Variants in ALPK2 observed in about 807,000 individuals in gnomAD.
ALPK2 encodes alpha-protein kinase 2.
A neutral mutation model predicts 163.1 loss-of-function variants in ALPK2; 127 were observed. That is an observed-to-expected ratio of 0.78 (90% CI 0.67 to 0.90). ALPK2 has a LOEUF of 0.90. Ranked by LOEUF, ALPK2 falls within the 40% of genes least tolerant of loss-of-function variation. The pLI is 0.00. For missense variants in ALPK2, 2,360 were observed against 2,589.6 expected, an observed-to-expected ratio of 0.91 and a Z score of 1.92; for synonymous variants, 953 against 959.1, an observed-to-expected ratio of 0.99 and a Z score of 0.12.
chr18:58,558,181 C>T (rs558817768), intron 4 of ALPK2, among the ~76,000 whole-genome samples: 5 of 152,092 alleles, frequency 3.3e-5, no homozygotes, highest in African/African-American at 1.2e-4. Flanking sequence ...GTGAATCTAC[C>T]CTTCCAAATT....
intron 2 of ALPK2, among the ~76,000 whole-genome samples, chr18:58,607,679 A>C (rs1240241739): frequency 6.6e-6 from 1 of 152,144 alleles, no homozygotes; most frequent in African/African-American, 2.4e-5. Flanking sequence ...TGGCATACAA[A>C]ATGAAAAATG....
chr18:58,557,702 T>A (rs60355093), intron 4 of ALPK2, among the ~76,000 whole-genome samples: 24,575 of 79,064 alleles, frequency 0.31, 2,352 homozygotes, highest in African/African-American at 0.43. Flanking sequence ...ATATATATAT[T>A]TATATTTTGT....
chr18:58,582,520 G>T (rs2051963733), intron 3 of ALPK2, among the ~76,000 whole-genome samples: 1 of 144,968 alleles, frequency 6.9e-6, no homozygotes, highest in Non-Finnish European at 1.5e-5. Flanking sequence ...CTCAGATGAA[G>T]AAAAATGTCT....
chr18:58,500,990 G>C (rs1367768176), intron 11 of ALPK2, among the ~76,000 whole-genome samples: 1 of 152,164 alleles, frequency 6.6e-6, no homozygotes, highest in Non-Finnish European at 1.5e-5. Context: ...GTCCAAAAGG[G>C]TGGTGATAGA....
chr18:58,535,671 T>C lies in ALPK2; in HGVS notation c.4516A>G (p.Ser1506Gly), dbSNP rs777343538. 7 of 1,614,252 alleles carry C rather than the reference T, an allele frequency of 4.3e-6. No individual in the cohort carries two copies. Among genetic ancestry groups the C allele is most frequent in the South Asian group, 1.1e-5 (1 of 91,084 alleles). Residue 1506 changes from serine (S) to glycine (G), a missense_variant, in exon 5 of 13, where the codon AGT becomes GGT. Coordinates refer to ENST00000361673, the MANE Select transcript of ALPK2 (RefSeq NM_052947.4). The stretch of plus-strand genomic sequence containing the variant: ...TGTATTTGGCCTATGCTACATCCAC[T>C]TGGAATTCTTTCACCGCCTTCGCTG... ...QPSEGGERIP[S>G]GCSIGQIQES...
At chr18:58,521,892 G>C (rs1412554197) in intron 8 of ALPK2, among the ~76,000 whole-genome samples, 1 of 151,952 alleles carries the variant, frequency 6.6e-6, no homozygotes. Context: ...CTTCCAAAGT[G>C]CTGGGATTAC....
At chr18:58,512,191 A>T (rs2051493604) in intron 10 of ALPK2, 1 of 152,190 alleles carries the variant, frequency 6.6e-6, no homozygotes, top group Admixed American at 6.6e-5. Context: ...CAACAAAAGG[A>T]TTCACGGTTT....
chr18:58,621,572 A>G (rs771306527), intron 1 of ALPK2, among the ~76,000 whole-genome samples: 2 of 151,914 alleles, frequency 1.3e-5, no homozygotes, highest in Non-Finnish European at 2.9e-5. Context: ...CACCAGGCCA[A>G]TGTGATCACT....
chr18:58,516,666 C>T (rs866586155), intron 9 of ALPK2, among the ~76,000 whole-genome samples: 16 of 152,306 alleles, frequency 1.1e-4, no homozygotes, highest in African/African-American at 3.4e-4. Flanking sequence ...AATTATATCT[C>T]GGGTTAGAAC....
rs1378108056 is a variant in ALPK2 at position 58,611,878 on chromosome 18, G to A, written c.-20-61C>T. 3.7e-5 allele frequency: 41 copies of A among 1,122,102 alleles called. No individual in the cohort carries two copies. In the Middle Eastern group the frequency reaches 8.9e-4, roughly 24 times the overall value. The allele number at this position is 1,122,102 out of a possible 1,614,324, so 69.5% of individuals were successfully genotyped here. Reference sequence around the variant, plus strand: ...TTCTGGGATTTCTCTGGCCTTCTTAGGAATTCCAGAAACCACAGGGTGCCG... The same window carrying A: ...TTCTGGGATTTCTCTGGCCTTCTTAAGAATTCCAGAAACCACAGGGTGCCG... On this transcript the variant is annotated intron_variant, in intron 1 of 12. Coordinates refer to ENST00000361673, the MANE Select transcript of ALPK2 (RefSeq NM_052947.4).
rs77059313 is a variant in ALPK2 at position 58,571,427 on chromosome 18, G to GAAA, written c.1962+7384_1962+7386dup. On this transcript the variant is annotated intron_variant, in intron 4 of 12. Coordinates refer to ENST00000361673, the MANE Select transcript of ALPK2 (RefSeq NM_052947.4). ...TGCTAGAAAAATTGAACATCCACAG[G>GAAA]AAAAAAAAAAAAAAAAAGAACCTTA... Among the ~76,000 whole-genome samples the GAAA allele has an allele frequency of 3.1e-3, 340 of 108,716 alleles. 3 individuals carry two copies. The highest frequency in any genetic ancestry group is 4.6e-3 in the Non-Finnish European group (240 of 51,654). The allele number at this position is 108,716 out of a possible 152,430, so 71.3% of individuals were successfully genotyped here.
At chr18:58,515,380 G>A (rs1354860821) in intron 9 of ALPK2, among the ~76,000 whole-genome samples, 3 of 152,356 alleles carry the variant, frequency 2.0e-5, no homozygotes, top group African/African-American at 7.2e-5. Flanking sequence ...GAACTAAGGG[G>A]ACTGGCCCCT....
intron 3 of ALPK2, among the ~76,000 whole-genome samples, chr18:58,598,048 T>C (rs1049802501): frequency 2.0e-5 from 3 of 152,224 alleles, no homozygotes; most frequent in Non-Finnish European, 2.9e-5. Context: ...CTTCTGTTGT[T>C]TAGGCCACCC....
intron 4 of ALPK2, among the ~76,000 whole-genome samples, chr18:58,571,386 T>A (rs2051884942): frequency 6.7e-6 from 1 of 148,914 alleles, no homozygotes; most frequent in African/African-American, 2.5e-5. Context: ...AGTTACAAAG[T>A]CTTATCAATA....
chr18:58,507,391 T>G (rs1209199072), intron 10 of ALPK2, among the ~76,000 whole-genome samples: 1 of 152,180 alleles, frequency 6.6e-6, no homozygotes, highest in Non-Finnish European at 1.5e-5. Flanking sequence ...TCAGGATCTT[T>G]AAAGGTAATT....
Position 58,579,179 on chromosome 18 carries a change from T to C in ALPK2, c.1597A>G (p.Lys533Glu). 1 of 1,614,124 alleles carries C rather than the reference T, an allele frequency of 6.2e-7. No homozygotes were observed. Residue 533 changes from lysine to glutamate, a missense_variant, in exon 4 of 13, where the codon AAA (lysine) becomes GAA (glutamate). Lys to Glu is a moderately conservative substitution (Grantham distance 56). Transcript: ENST00000361673. ...KDLWSKRGSR[K>E]SARVRQPGMK... ...CCCGGCTGCCTCACCCTGGCAGATT[T>C]CCTTGAACCCCTCTTGCTCCATAAG...
In ALPK2 at chr18:58,559,562, T is replaced by C. The variant is rs1402968734; in HGVS notation, c.1962+19252A>G. ...AGGAACTCCTAGTGATTCTGTGGAC[T>C]TGGAAACTTCCTAAGAAGAATCCTG... On this transcript the variant is annotated intron_variant, in intron 4 of 12. Coordinates refer to ENST00000361673, the MANE Select transcript of ALPK2 (RefSeq NM_052947.4). 2.6e-5 allele frequency among the ~76,000 whole-genome samples: 4 copies of C among 152,178 alleles called. No homozygotes were observed. In the East Asian group the frequency reaches 5.8e-4, roughly 22 times the overall value.
At chr18:58,505,220 A>T (rs1021711501) in intron 10 of ALPK2, among the ~76,000 whole-genome samples, 3 of 152,034 alleles carry the variant, frequency 2.0e-5, no homozygotes, top group African/African-American at 7.2e-5. Flanking sequence ...TGGAGCGGTG[A>T]TCAGATATGG....
chr18:58,561,721 TACCA>T (rs2051826423), intron 4 of ALPK2, among the ~76,000 whole-genome samples: 1 of 152,188 alleles, frequency 6.6e-6, no homozygotes, highest in South Asian at 2.1e-4. Flanking sequence ...GGACACTGTC[TACCA>T]ACTCCCACCC....
Sources: gnomAD v4.1 joint callset for allele counts (sites outside exome capture counted in the v4.1 genomes callset) on GRCh38, gnomAD v4.1.1 for gene constraint, MANE v1.5 for transcripts, NCBI Gene and HGNC (gene_info 2026-07-23, HGNC 2026-07-21) for gene names.